The following EFCAB6 variants were observed in gnomAD, a reference collection of about 807,000 sequenced individuals.
EFCAB6 encodes the protein EF-hand calcium binding domain 6.
A neutral mutation model predicts 169.8 loss-of-function variants in EFCAB6; 156 were observed. The ratio of observed to expected loss-of-function variants is 0.92; its 90% CI spans 0.81 to 1.05. The LOEUF (loss-of-function observed/expected upper bound fraction) is 1.05, where lower values mean the gene tolerates loss of function less well. Ranked by LOEUF, EFCAB6 falls within the 50% of genes least tolerant of loss-of-function variation. The probability of loss-of-function intolerance (pLI) is 0.00; values close to 1 mark genes in which losing one functional copy is unlikely to be tolerated. For missense variants in EFCAB6, 1,800 were observed against 1,829.1 expected (o/e 0.98, Z 0.29); for synonymous variants, 698 against 676.4 (o/e 1.03, Z -0.50).
intron 27 of EFCAB6, among the ~76,000 whole-genome samples, chr22:43,544,234 C>T (rs1324404082): frequency 4.6e-5 from 7 of 152,168 alleles, no homozygotes; most frequent in Admixed American, 3.3e-4. Flanking sequence ...GGTCCCCTCA[C>T]TCTCAGCTGA....
intron 12 of EFCAB6, among the ~76,000 whole-genome samples, chr22:43,682,012 C>G (rs1425255386): frequency 3.3e-5 from 5 of 152,168 alleles, no homozygotes; most frequent in Non-Finnish European, 5.9e-5. Context: ...TTCTGCATCC[C>G]TCTCTATAGC....
intron 2 of EFCAB6, among the ~76,000 whole-genome samples, chr22:43,785,843 T>G (rs2062056753): frequency 6.6e-6 from 1 of 152,106 alleles, no homozygotes; most frequent in Non-Finnish European, 1.5e-5. Flanking sequence ...ATAAAAATGA[T>G]TATAAGGGAA....
chr22:43,681,661 T>C (rs760051044), intron 12 of EFCAB6, among the ~76,000 whole-genome samples: 11 of 152,204 alleles, frequency 7.2e-5, no homozygotes, highest in Non-Finnish European at 1.0e-4. Context: ...TTTCTAATAG[T>C]TTATTGCAGT....
At chr22:43,718,428 G>T (rs1180243851) in intron 8 of EFCAB6, among the ~76,000 whole-genome samples, 1 of 152,018 alleles carries the variant, frequency 6.6e-6, no homozygotes, top group African/African-American at 2.4e-5. Flanking sequence ...CCAAAAAAGA[G>T]AAAGGGGAGA....
chr22:43,670,523 A>G (rs563548202), intron 15 of EFCAB6, among the ~76,000 whole-genome samples: 1 of 152,240 alleles, frequency 6.6e-6, no homozygotes, highest in Non-Finnish European at 1.5e-5. Flanking sequence ...TGTGCTTAAT[A>G]AATCGCAGCT....
intron 1 of EFCAB6, among the ~76,000 whole-genome samples, chr22:43,810,021 C>T (rs2148238124): frequency 6.6e-6 from 1 of 152,304 alleles, no homozygotes; most frequent in Non-Finnish European, 1.5e-5. Context: ...CCATCTCGGC[C>T]TCCTGAGTAG....
intron 22 of EFCAB6, 57 bp downstream of exon 22, chr22:43,608,425 C>A: frequency 6.6e-7 from 1 of 1,511,750 alleles, no homozygotes. Context: ...GAATTTGCCA[C>A]AGCAAGCACC....
intron 20 of EFCAB6, among the ~76,000 whole-genome samples, chr22:43,619,991 T>C (rs2147771509): frequency 6.6e-6 from 1 of 152,240 alleles, no homozygotes; most frequent in South Asian, 2.1e-4. Flanking sequence ...ATCAATTGTC[T>C]GAAAAACTAA....
In EFCAB6 at chr22:43,687,447, G is replaced by GTTT. The variant is rs35384776; in HGVS notation, c.1142+21_1142+23dup. Reference sequence around the variant, plus strand: ...ATTATGATATGTGTAACTAAAATTTGTTTTTTTTTTTTTTTTTACATACCT... The same window carrying GTTT: ...ATTATGATATGTGTAACTAAAATTTGTTTTTTTTTTTTTTTTTTTTACATACCT... On this transcript the variant is annotated intron_variant, in intron 11 of 31. Transcript: ENST00000262726. The GTTT allele has an allele frequency of 7.9e-3, 6,568 of 830,594 alleles. 2 individuals carry two copies. The highest frequency in any genetic ancestry group is 0.011 in the South Asian group (461 of 42,146). 51.5% of individuals were successfully genotyped at this position (830,594 alleles called of 1,614,324 possible). A position where few individuals can be genotyped will look rare whatever the true frequency, so the allele number is the denominator to read the frequency against.
At chr22:43,774,250 T>C (rs2061567325) in intron 3 of EFCAB6, among the ~76,000 whole-genome samples, 2 of 151,426 alleles carry the variant, frequency 1.3e-5, no homozygotes, top group South Asian at 4.2e-4. Context: ...ATGCCAAAGA[T>C]CTCGGTGCAC....
At chr22:43,579,905 C>T (rs1344598188) in intron 25 of EFCAB6, among the ~76,000 whole-genome samples, 7 of 151,332 alleles carry the variant, frequency 4.6e-5, no homozygotes, top group Non-Finnish European at 7.4e-5. Context: ...ATTCCGTACA[C>T]GCAGGCATCA....
chr22:43,543,259 G>C (rs737770), intron 27 of EFCAB6, among the ~76,000 whole-genome samples: 30,291 of 152,210 alleles, frequency 0.2, 3,225 homozygotes, highest in Middle Eastern at 0.26. Context: ...GTTCATCTTT[G>C]AACAAATTCT....
chr22:43,692,224 T>C (rs1223497084), intron 10 of EFCAB6, among the ~76,000 whole-genome samples: 2 of 152,288 alleles, frequency 1.3e-5, no homozygotes, highest in African/African-American at 4.8e-5. Context: ...AAACAGAGTA[T>C]GCAGTTTGAA....
Position 43,710,383 on chromosome 22 carries a change from GCT to G in EFCAB6, c.1031+1090_1031+1091del, listed in dbSNP as rs577606750. The stretch of plus-strand genomic sequence containing the variant: ...GAACAAATTGAGTATCAATATAACA[GCT>G]GTAATGAATTGAGACACAAATATGC... On this transcript the variant is annotated intron_variant, in intron 10 of 31. Coordinates refer to ENST00000262726, the MANE Select transcript of EFCAB6 (RefSeq NM_022785.4). Among the ~76,000 whole-genome samples the G allele has an allele frequency of 2.0e-5, 3 of 152,260 alleles. No homozygotes were observed. In the South Asian group the frequency reaches 6.2e-4, roughly 32 times the overall value.
intron 12 of EFCAB6, among the ~76,000 whole-genome samples, chr22:43,679,166 C>T (rs1162879396): frequency 6.6e-6 from 1 of 152,206 alleles, no homozygotes; most frequent in Admixed American, 6.5e-5. Flanking sequence ...CCATTTCTTG[C>T]CCCAGCCTAA....
rs1415993542 is a variant in EFCAB6 at position 43,590,070 on chromosome 22, A to AGGG, written c.3032+3_3032+4insCCC. The AGGG allele has an allele frequency of 6.2e-7, 1 of 1,610,984 alleles. No homozygotes were observed. Among genetic ancestry groups the AGGG allele is most frequent in the South Asian group, 1.1e-5 (1 of 90,126 alleles). On this transcript the variant is annotated splice_donor_region_variant and intron_variant, in intron 24 of 31. Transcript: ENST00000262726. ...GAAACATATTTAACTGAGTCCAAAA[A>AGGG]GACCTGTTTAGCAGATGGGTCAGCT...
chr22:43,763,002 G>A (rs756083918), intron 5 of EFCAB6, among the ~76,000 whole-genome samples: 15 of 152,268 alleles, frequency 9.9e-5, no homozygotes, highest in Non-Finnish European at 1.9e-4. Context: ...ACATCATGGA[G>A]GGGATGATAC....
At chr22:43,613,155 T>C (rs2053441332) in intron 21 of EFCAB6, among the ~76,000 whole-genome samples, 1 of 147,918 alleles carries the variant, frequency 6.8e-6, no homozygotes, top group Non-Finnish European at 1.5e-5. Context: ...ATATCATATA[T>C]AAATATTTTA....
intron 8 of EFCAB6, among the ~76,000 whole-genome samples, chr22:43,719,999 G>C (rs1170599409): frequency 1.3e-5 from 2 of 152,272 alleles, no homozygotes; most frequent in East Asian, 3.9e-4. Context: ...TAAGAGAATA[G>C]ATGTTAAGTG....
Sources: gnomAD v4.1 joint callset for allele counts (sites outside exome capture counted in the v4.1 genomes callset) on GRCh38, gnomAD v4.1.1 for gene constraint, MANE v1.5 for transcripts, NCBI Gene and HGNC (gene_info 2026-07-23, HGNC 2026-07-21) for gene names.